The following GLDC variants were observed in gnomAD, a reference collection of about 807,000 sequenced individuals.
GLDC encodes glycine dehydrogenase (decarboxylating), mitochondrial.
A neutral mutation model predicts 121.3 loss-of-function variants in GLDC; 104 were observed. That is an observed-to-expected ratio of 0.86 (90% CI 0.73 to 1.01). The LOEUF (loss-of-function observed/expected upper bound fraction) is 1.01. Ranked by LOEUF, GLDC falls within the 50% of genes least tolerant of loss-of-function variation. The pLI, the probability that GLDC is intolerant of heterozygous loss-of-function variation, is 0.00. For synonymous variants in GLDC, 546 were observed against 480.6 expected (o/e 1.14, Z -1.78); for missense variants, 1,429 against 1,306.6 (o/e 1.09, Z -1.44).
At chr9:6,540,600 G>A (rs1008648479) in intron 21 of GLDC, 4 of 198,720 alleles carry the variant, frequency 2.0e-5, no homozygotes, top group East Asian at 2.4e-4. Flanking sequence ...TTACTTTTGC[G>A]TATATATAGG....
At chr9:6,560,511 T>G (rs1016356864) in intron 16 of GLDC, among the ~76,000 whole-genome samples, 2 of 152,222 alleles carry the variant, frequency 1.3e-5, no homozygotes, top group Admixed American at 6.5e-5. Flanking sequence ...ATTTTTTTCT[T>G]TAATTTCTGA....
At position 6,637,009 on chromosome 9, in the gene GLDC, A is replaced by G. The variant is rs181257567; in HGVS notation, c.334+7605T>C. 9.7e-3 allele frequency among the ~76,000 whole-genome samples: 1,473 copies of G among 151,694 alleles called. 67 individuals carry two copies. Among genetic ancestry groups the G allele is most frequent in the Admixed American group, 0.086 (1,318 of 15,248 alleles). On this transcript the variant is annotated intron_variant, in intron 2 of 24. Transcript: ENST00000321612. ...TGAGGCAGAAGAATTGCTTGAACCC[A>G]GGAGGCGGAGGTTGCAGTGAGCCGA...
chr9:6,567,031 T>A (rs949555477), intron 15 of GLDC: 4 of 152,164 alleles, frequency 2.6e-5, no homozygotes, highest in Non-Finnish European at 5.9e-5. Flanking sequence ...CTGAGCACAC[T>A]GTGCTCTCCA....
chr9:6,617,870 C>G (rs548183503), intron 3 of GLDC, among the ~76,000 whole-genome samples: 1 of 152,208 alleles, frequency 6.6e-6, no homozygotes, highest in African/African-American at 2.4e-5. Flanking sequence ...ATTTCAAAAG[C>G]TCCTGTTGGT....
At chr9:6,548,613 A>T (rs1196936173) in intron 21 of GLDC, among the ~76,000 whole-genome samples, 1 of 152,128 alleles carries the variant, frequency 6.6e-6, no homozygotes. Context: ...ACAGCTATAG[A>T]GCTACATTCC....
intron 8 of GLDC, among the ~76,000 whole-genome samples, chr9:6,597,171 C>T (rs1055331662): frequency 3.3e-5 from 5 of 152,094 alleles, no homozygotes; most frequent in African/African-American, 1.2e-4. Context: ...ACAGGCAAAT[C>T]CAGGGAGACA....
intron 2 of GLDC, among the ~76,000 whole-genome samples, chr9:6,644,226 C>A (rs988824575): frequency 6.6e-6 from 1 of 151,744 alleles, no homozygotes; most frequent in African/African-American, 2.4e-5. Context: ...AGTTGCACGA[C>A]CTTAGGCAAT....
chr9:6,549,224 G>A (rs1406681905), intron 21 of GLDC, among the ~76,000 whole-genome samples: 4 of 152,274 alleles, frequency 2.6e-5, no homozygotes, highest in East Asian at 1.9e-4. Flanking sequence ...CTTATTATGC[G>A]TCATCACGTG....
intron 2 of GLDC, among the ~76,000 whole-genome samples, chr9:6,627,660 C>T (rs1819273738): frequency 6.6e-6 from 1 of 152,180 alleles, no homozygotes; most frequent in Admixed American, 6.5e-5. Context: ...TTTCCATTCA[C>T]TCATCCATTG....
chr9:6,544,079 G>A (rs1427368666), intron 21 of GLDC, among the ~76,000 whole-genome samples: 4 of 152,156 alleles, frequency 2.6e-5, no homozygotes, highest in Admixed American at 6.5e-5. Flanking sequence ...TCCTCAAGGC[G>A]GCTGCTGAGG....
intron 2 of GLDC, among the ~76,000 whole-genome samples, chr9:6,632,065 CAA>C (rs1412139941): frequency 6.6e-6 from 1 of 151,516 alleles, no homozygotes; most frequent in Non-Finnish European, 1.5e-5. Context: ...GACCCTGCCT[CAA>C]AAAAAAGTCA....
chr9:6,630,411 C>T (rs1819352292), intron 2 of GLDC, among the ~76,000 whole-genome samples: 3 of 152,144 alleles, frequency 2.0e-5, no homozygotes. Flanking sequence ...GGAGCCCAGC[C>T]AGCAGCGCCT....
At chr9:6,546,981 A>ATAC (rs1421481976) in intron 21 of GLDC, among the ~76,000 whole-genome samples, 1 of 151,840 alleles carries the variant, frequency 6.6e-6, no homozygotes, top group Non-Finnish European at 1.5e-5. Flanking sequence ...AATAATAATA[A>ATAC]TAATAATGAT....
At chr9:6,638,837 C>T (rs1208005985) in intron 2 of GLDC, among the ~76,000 whole-genome samples, 3 of 151,886 alleles carry the variant, frequency 2.0e-5, no homozygotes, top group Non-Finnish European at 2.9e-5. Context: ...AGTGAAACCC[C>T]GTCTCTACTA....
chr9:6,612,400 C>G (rs1024326607), intron 3 of GLDC, among the ~76,000 whole-genome samples: 2 of 151,924 alleles, frequency 1.3e-5, no homozygotes, highest in Admixed American at 6.6e-5. Context: ...ATGTTGGTTT[C>G]AAAGCTTTCA....
chr9:6,588,750 T>G, intron 12 of GLDC, 48 bp from the exon 13 acceptor site: 38 of 993,388 alleles, frequency 3.8e-5, no homozygotes, highest in Non-Finnish European at 5.9e-5. Context: ...TAGATATGAG[T>G]CCATGCACAT....
At chr9:6,540,276 G>C (rs1455892804) in intron 21 of GLDC, 130 bp from the exon 22 acceptor site, 1 of 714,332 alleles carries the variant, frequency 1.4e-6, no homozygotes, top group Non-Finnish European at 2.6e-6. Context: ...AGAAGCCATG[G>C]GCACCGGGTA....
At chr9:6,623,008 T>G (rs527427423) in intron 2 of GLDC, 1 of 169,374 alleles carries the variant, frequency 5.9e-6, no homozygotes, top group African/African-American at 3.3e-5. Flanking sequence ...GGTCAGCCCC[T>G]GCCCGGCCAG....
At chr9:6,582,600 C>T (rs1316573924) in intron 15 of GLDC, among the ~76,000 whole-genome samples, 19 of 151,682 alleles carry the variant, frequency 1.3e-4, no homozygotes, top group African/African-American at 9.7e-5. Flanking sequence ...GAGGCCGAGG[C>T]GGGTGGATCA....
Sources: allele counts gnomAD v4.1 joint callset (sites outside exome capture counted in the v4.1 genomes callset), GRCh38; gene constraint gnomAD v4.1.1; transcripts MANE v1.5; gene names NCBI Gene and HGNC (gene_info 2026-07-23, HGNC 2026-07-21).